Variants in LRCH2 observed in about 807,000 individuals in gnomAD.
LRCH2 encodes the protein leucine rich repeats and calponin homology domain containing 2, also known as leucine-rich repeat and calponin homology domain-containing protein 2.
LRCH2 carries 38 observed loss-of-function variants against 68.9 expected under a neutral mutation model. That is an observed-to-expected ratio of 0.55 (90% confidence interval 0.43 to 0.72). The LOEUF is 0.72. Among genes scored for constraint, LRCH2 ranks in the 30% least tolerant of loss-of-function variants. The pLI, the probability that LRCH2 is intolerant of heterozygous loss-of-function variation, is 0.00. For missense variants in LRCH2, 528 were observed against 572.9 expected (o/e 0.92, Z 0.80); for synonymous variants, 191 against 208.1 (o/e 0.92, Z 0.71).
chrX:115,155,723 T>C (rs912349747), intron 12 of LRCH2, among the ~76,000 whole-genome samples: 1 of 111,522 alleles, frequency 9.0e-6, no homozygotes, highest in African/African-American at 3.3e-5. Context: ...AGGTAGACAC[T>C]GTTATTATTT....
chrX:115,161,711 CA>C lies in LRCH2; in HGVS notation c.1463+1964del, dbSNP rs1309008375. ...GCTAGATGCTATTTTGTACTGATTA[CA>C]AAACTATCACAAAAATAAAACCAAT... On this transcript the variant is annotated intron_variant, in intron 11 of 20. Coordinates refer to ENST00000317135, the MANE Select transcript of LRCH2 (RefSeq NM_020871.4). Among the ~76,000 whole-genome samples the C allele has an allele frequency of 2.7e-5, 3 of 110,326 alleles. No homozygotes were observed. In the East Asian group the frequency reaches 8.6e-4, roughly 32 times the overall value.
At chrX:115,209,127 G>C (rs2072989098) in intron 1 of LRCH2, among the ~76,000 whole-genome samples, 1 of 112,472 alleles carries the variant, frequency 8.9e-6, no homozygotes, top group Admixed American at 9.4e-5. Context: ...AACCTAAGTG[G>C]AATTGAGGCA....
intron 11 of LRCH2, among the ~76,000 whole-genome samples, chrX:115,159,745 T>G (rs2072503377): frequency 2.1e-5 from 1 of 48,582 alleles, no homozygotes; most frequent in Non-Finnish European, 4.2e-5. Context: ...AGTGAGACTG[T>G]CTCAAAAAAA....
chrX:115,151,134 G>C (rs1556538222), intron 12 of LRCH2, among the ~76,000 whole-genome samples: 1 of 111,213 alleles, frequency 9.0e-6, no homozygotes, highest in Non-Finnish European at 1.9e-5. Context: ...TTAAACATTT[G>C]ACAAAGGAGT....
At chrX:115,189,036 T>C (rs7062365) in intron 1 of LRCH2, among the ~76,000 whole-genome samples, 17,564 of 110,875 alleles carry the variant, frequency 0.16, 1,132 homozygotes, top group African/African-American at 0.21. Context: ...CAAACTCACA[T>C]AAACCCACAA....
At chrX:115,203,437 C>A (rs183826920) in intron 1 of LRCH2, among the ~76,000 whole-genome samples, 3 of 112,279 alleles carry the variant, frequency 2.7e-5, no homozygotes, top group Non-Finnish European at 5.6e-5. Flanking sequence ...TAACTAATTC[C>A]AGCATTAAGT....
intron 1 of LRCH2, among the ~76,000 whole-genome samples, chrX:115,201,628 C>T (rs992906657): frequency 9.0e-6 from 1 of 111,628 alleles, no homozygotes; most frequent in Non-Finnish European, 1.9e-5. Flanking sequence ...TCACTTTCAC[C>T]ATTGTTATTG....
chrX:115,162,057 C>A (rs376808979), intron 11 of LRCH2, among the ~76,000 whole-genome samples: 1 of 106,650 alleles, frequency 9.4e-6, no homozygotes, highest in East Asian at 3.0e-4. Context: ...GTGGCTAGGA[C>A]CACAGGTGCA....
chrX:115,207,810 A>G (rs1454474188), intron 1 of LRCH2, among the ~76,000 whole-genome samples: 1 of 112,179 alleles, frequency 8.9e-6, no homozygotes, highest in African/African-American at 3.2e-5. Context: ...GGTTTTACAG[A>G]TGTAATTAAG....
At position 115,117,292 on chromosome X, in the gene LRCH2, C is replaced by T. The variant is rs138979313; in HGVS notation, c.2179-3957G>A. On this transcript the variant is annotated intron_variant, in intron 20 of 20. Transcript: ENST00000317135. ...TAAAATTTTTAGAAGATTGATCATA[C>T]TGAATGTTAGTGAGGATGTGGAGGA... Among the ~76,000 whole-genome samples the T allele has an allele frequency of 1.4e-3, 155 of 111,531 alleles. 1 individual carries two copies. The highest frequency in any genetic ancestry group is 4.6e-3 in the African/African-American group (141 of 30,858).
intron 14 of LRCH2, among the ~76,000 whole-genome samples, chrX:115,142,138 C>T (rs1444460865): frequency 6.3e-5 from 7 of 111,344 alleles, no homozygotes; most frequent in Non-Finnish European, 1.3e-4. Context: ...TATATATGCA[C>T]CCAATACTGG....
chrX:115,134,041 C>T (rs1445960652), intron 14 of LRCH2, among the ~76,000 whole-genome samples: 1 of 111,899 alleles, frequency 8.9e-6, no homozygotes, highest in Non-Finnish European at 1.9e-5. Flanking sequence ...AGTGAACACA[C>T]CAAAAATAAG....
intron 1 of LRCH2, chrX:115,189,908 A>G: frequency 1.7e-6 from 2 of 1,160,214 alleles, no homozygotes; most frequent in Non-Finnish European, 2.3e-6. Context: ...CCACCGCGGC[A>G]CTGGGCCAGC....
intron 20 of LRCH2, among the ~76,000 whole-genome samples, chrX:115,120,281 G>A (rs1391872976): frequency 1.2e-5 from 1 of 82,870 alleles, no homozygotes; most frequent in East Asian, 3.9e-4. Context: ...TCTGACAAAG[G>A]GCTAATATCC....
rs150006438 is a variant in LRCH2 at position 115,171,733 on chromosome X, C to T, written c.865-1301G>A. Among the ~76,000 whole-genome samples the T allele has an allele frequency of 8.6e-3, 931 of 108,708 alleles. 13 individuals carry two copies. Among genetic ancestry groups the T allele is most frequent in the African/African-American group, 0.03 (899 of 29,721 alleles). 94.4% of individuals were successfully genotyped at this position (108,708 alleles called of 115,157 possible). A position where few individuals can be genotyped will look rare whatever the true frequency, so the allele number is the denominator to read the frequency against. Reference sequence around the variant, plus strand: ...ACAGCGTCTCATTCTGTCGCCCAGGCTGGAGTGCAGTGGCACAAACATGGC... The same window carrying T: ...ACAGCGTCTCATTCTGTCGCCCAGGTTGGAGTGCAGTGGCACAAACATGGC... On this transcript the variant is annotated intron_variant, in intron 5 of 20. Coordinates refer to ENST00000317135, the MANE Select transcript of LRCH2 (RefSeq NM_020871.4).
At chrX:115,219,076 T>C (rs1556572715) in intron 1 of LRCH2, among the ~76,000 whole-genome samples, 3 of 111,823 alleles carry the variant, frequency 2.7e-5, no homozygotes, top group Non-Finnish European at 5.6e-5. Flanking sequence ...GAAAGTCTAA[T>C]ATAATACGAG....
At position 115,149,906 on chromosome X, in the gene LRCH2, G is replaced by T. The variant is rs370118142; in HGVS notation, c.1616C>A (p.Pro539Gln). ...GATTATAGGGTGAGATTCTGGCCAC[G>T]GTTGTTCATCTATTTGATCCTTCTG... ...ENQKDQIDEQ[P>Q]WPESHPIIWQ... Residue 539 changes from proline to glutamine, a missense_variant, in exon 14 of 21, where the codon CCG becomes CAG. Pro to Gln is a moderately conservative substitution (Grantham distance 76, BLOSUM62 -1). Transcript: ENST00000317135. 1.3e-5 allele frequency: 16 copies of T among 1,201,717 alleles called. No homozygotes were observed. In the Admixed American group the frequency reaches 3.3e-4, roughly 25 times the overall value.
chrX:115,188,369 A>G lies in LRCH2; in HGVS notation c.351T>C (p.Asp117=). 8.5e-7 allele frequency: 1 copy of G among 1,169,822 alleles called. No homozygotes were observed. The highest frequency in any genetic ancestry group is 1.1e-6 in the Non-Finnish European group (1 of 872,271). ...GYDLTDTTQA[D]LSRNRFTEIP... is the part of the protein sequence containing the mutation. ...TTTCTGTAAAACGATTTCTGGAAAG[A>G]TCTGAAAAGAAAATAGTGAGTATTA... Residue 117 remains aspartate (D), a splice_region_variant and synonymous_variant, in exon 2 of 21, where the codon GAT becomes GAC. Transcript: ENST00000317135.
chrX:115,182,857 G>A (rs1469408056), intron 3 of LRCH2, among the ~76,000 whole-genome samples: 2 of 102,719 alleles, frequency 1.9e-5, no homozygotes, highest in Non-Finnish European at 4.0e-5. Flanking sequence ...AAAAAAAAGA[G>A]TTTGGTAAAA....
Sources: gnomAD v4.1 joint callset for allele counts (sites outside exome capture counted in the v4.1 genomes callset) on GRCh38, gnomAD v4.1.1 for gene constraint, MANE v1.5 for transcripts, NCBI Gene and HGNC (gene_info 2026-07-23, HGNC 2026-07-21) for gene names.